PKD2L2: variants seen among roughly 807,000 people sequenced by gnomAD.
PKD2L2 encodes polycystin-2-like protein 2.
Under a neutral mutation model 83.9 loss-of-function variants are expected in PKD2L2, and 67 were observed. The observed-to-expected ratio is 0.80, with a 90% confidence interval of 0.66 to 0.98. The LOEUF is 0.98. Ranked by LOEUF, PKD2L2 falls within the 50% of genes least tolerant of loss-of-function variation. The pLI, the probability that PKD2L2 is intolerant of heterozygous loss-of-function variation, is 0.00. For missense variants in PKD2L2, 632 were observed against 717.2 expected, an observed-to-expected ratio of 0.88 and a Z score of 1.36; for synonymous variants, 223 against 237.8, an observed-to-expected ratio of 0.94 and a Z score of 0.57.
At chr5:137,916,968 T>C (rs1274878825) in intron 8 of PKD2L2, among the ~76,000 whole-genome samples, 1 of 152,096 alleles carries the variant, frequency 6.6e-6, no homozygotes. Context: ...TTGAGTTCAT[T>C]CTATTGGAGT....
At chr5:137,917,948 T>C (rs1000693958) in intron 8 of PKD2L2, among the ~76,000 whole-genome samples, 4 of 152,178 alleles carry the variant, frequency 2.6e-5, no homozygotes, top group African/African-American at 7.2e-5. Context: ...TTTGGAGCCA[T>C]TGCACTTTGG....
At chr5:137,894,221 C>A in intron 3 of PKD2L2, 132 bp from the exon 4 acceptor site, 1 of 767,138 alleles carries the variant, frequency 1.3e-6, no homozygotes, top group Non-Finnish European at 2.1e-6. Flanking sequence ...ATTAGCATTA[C>A]CATTACCATT....
intron 8 of PKD2L2, among the ~76,000 whole-genome samples, chr5:137,913,464 G>A (rs1293411717): frequency 6.6e-6 from 1 of 151,112 alleles, no homozygotes; most frequent in East Asian, 1.9e-4. Flanking sequence ...GGATACAGCT[G>A]TGAGTCACTG....
At chr5:137,909,253 T>C (rs534044832) in intron 8 of PKD2L2, among the ~76,000 whole-genome samples, 1 of 152,172 alleles carries the variant, frequency 6.6e-6, no homozygotes, top group Non-Finnish European at 1.5e-5. Context: ...GGTTTTAAAC[T>C]TCTGGGTTCA....
chr5:137,911,057 C>T (rs1171482207), intron 8 of PKD2L2, among the ~76,000 whole-genome samples: 2 of 152,158 alleles, frequency 1.3e-5, no homozygotes, highest in Non-Finnish European at 2.9e-5. Flanking sequence ...CCATCACCAC[C>T]ATCTATCTCC....
At chr5:137,928,585 T>C (rs762394420) in intron 12 of PKD2L2, among the ~76,000 whole-genome samples, 1 of 152,106 alleles carries the variant, frequency 6.6e-6, no homozygotes. Context: ...GCATGCGCCA[T>C]CACACCCAGC....
At chr5:137,901,388 G>GCAGA (rs1756943734) in intron 5 of PKD2L2, among the ~76,000 whole-genome samples, 1 of 144,560 alleles carries the variant, frequency 6.9e-6, no homozygotes, top group East Asian at 2.1e-4. Flanking sequence ...GGCTTTTAAT[G>GCAGA]CAGACAATAG....
chr5:137,909,739 T>G (rs1757661436), intron 8 of PKD2L2, among the ~76,000 whole-genome samples: 1 of 151,932 alleles, frequency 6.6e-6, no homozygotes. Context: ...TTAGCCATGT[T>G]GCCCAGGCTG....
rs144593865 is a variant in PKD2L2 at position 137,932,866 on chromosome 5, G to A, written c.1672-2931G>A. ...AGAGTCATCGAGGTGCTAAAGTTTT[G>A]GATTTTGAACACTTCAGATTTCCGA... On this transcript the variant is annotated intron_variant, in intron 12 of 14. Transcript: ENST00000508883. Among the ~76,000 whole-genome samples, 135 of 152,144 alleles carry A rather than the reference G, an allele frequency of 8.9e-4. 1 individual carries two copies. Among genetic ancestry groups the A allele is most frequent in the African/African-American group, 3.1e-3 (128 of 41,510 alleles).
rs1419724013 is a variant in PKD2L2, at chr5:137,889,510, T to G, written c.19T>G (p.Trp7Gly). Residue 7 changes from tryptophan to glycine, a missense_variant, in exon 1 of 15, where the codon TGG (tryptophan) becomes GGG (glycine). Physicochemically the swap from Trp to Gly is radical, Grantham distance 184. Around this residue, in one of 3 missense-constraint regions of PKD2L2, gnomAD observed 229 missense variants for 281.5 expected, o/e 0.81. Transcript: ENST00000508883. MAEASR[W>G]HRGGASKHKL... ...GTCCGCCATGGCTGAGGCGTCACGG[T>G]GGCACCGAGGCGGTGAGGGGTCCTC... 4 of 1,557,164 alleles carry G rather than the reference T, an allele frequency of 2.6e-6. No homozygotes were observed. The Admixed American group carries it at 6.4e-5, about 25-fold the overall frequency.
intron 8 of PKD2L2, among the ~76,000 whole-genome samples, chr5:137,918,944 ATGTG>A (rs67036547): frequency 7.5e-4 from 110 of 146,304 alleles, no homozygotes; most frequent in East Asian, 1.4e-3. Context: ...GGCCTGCACA[ATGTG>A]TGTGTGTGTG....
intron 12 of PKD2L2, among the ~76,000 whole-genome samples, chr5:137,929,523 G>A (rs1580989158): frequency 5.0e-4 from 3 of 6,058 alleles, no homozygotes; most frequent in Non-Finnish European, 9.4e-4. Context: ...ATTTCTATAG[G>A]ACAAAATTGC....
intron 8 of PKD2L2, among the ~76,000 whole-genome samples, chr5:137,911,058 A>G (rs566385151): frequency 3.9e-5 from 6 of 152,204 alleles, no homozygotes; most frequent in African/African-American, 1.4e-4. Context: ...CATCACCACC[A>G]TCTATCTCCA....
Position 137,930,448 on chromosome 5 carries a change from G to A in PKD2L2, c.1671+4519G>A, listed in dbSNP as rs183331566. 6.2e-3 allele frequency among the ~76,000 whole-genome samples: 942 copies of A among 152,108 alleles called. 13 individuals are homozygous for A. Among genetic ancestry groups the A allele is most frequent in the African/African-American group, 0.022 (907 of 41,490 alleles). On this transcript the variant is annotated intron_variant, in intron 12 of 14. Transcript: ENST00000508883. The stretch of plus-strand genomic sequence containing the variant: ...AGCACTTTGGGAGGCTGAGGTGGGC[G>A]GATCATGAGGTCAGGAGTTCGAGAC...
chr5:137,936,307 C>A lies in PKD2L2; in HGVS notation c.1785-13C>A, dbSNP rs372546621. On this transcript the variant is annotated splice_polypyrimidine_tract_variant and intron_variant, in intron 13 of 14. Coordinates refer to ENST00000508883, the MANE Select transcript of PKD2L2 (RefSeq NM_001300921.2). Reference sequence around the variant, plus strand: ...TTACTGACTCATTCTCTACTTCCTTCGAAATTTTCTAGACTTTTTTTATAT... The same window carrying A: ...TTACTGACTCATTCTCTACTTCCTTAGAAATTTTCTAGACTTTTTTTATAT... 7 of 1,525,918 alleles carry A rather than the reference C, an allele frequency of 4.6e-6. No homozygotes were observed. In the South Asian group the frequency reaches 7.2e-5, roughly 16 times the overall value. The allele number at this position is 1,525,918 out of a possible 1,614,324, so 94.5% of individuals were successfully genotyped here.
intron 8 of PKD2L2, among the ~76,000 whole-genome samples, chr5:137,916,475 C>CT (rs1169529107): frequency 0.57 from 53,086 of 93,536 alleles, 16,288 homozygotes; most frequent in Non-Finnish European, 0.63. Flanking sequence ...CACTTTTCTT[C>CT]TTTTTTTTTT....
Position 137,890,494 on chromosome 5 carries a change from TA to T in PKD2L2, c.47del (p.Lys16SerfsTer8). ...RWHRGGASKH[K>X]LHYRKEVEIT... ...TATATCTCACAGGGGCTTCGAAACA[TA>T]AGTTGCATTACAGAAAGGAAGTAGA... On this transcript the variant is annotated frameshift_variant, in exon 2 of 15. Transcript: ENST00000508883. LOFTEE classifies it high-confidence loss of function. 1 of 1,577,882 alleles carries T rather than the reference TA, an allele frequency of 6.3e-7. No homozygotes were observed. Among genetic ancestry groups the T allele is most frequent in the Non-Finnish European group, 8.6e-7 (1 of 1,161,508 alleles).
chr5:137,935,267 G>A (rs1426356435), intron 12 of PKD2L2, among the ~76,000 whole-genome samples: 1 of 152,190 alleles, frequency 6.6e-6, no homozygotes, highest in Non-Finnish European at 1.5e-5. Context: ...GGAAGGTTCA[G>A]CAATACAAAT....
At chr5:137,918,963 TGTGTGA>T (rs1196622134) in intron 8 of PKD2L2, among the ~76,000 whole-genome samples, 5 of 148,642 alleles carry the variant, frequency 3.4e-5, no homozygotes, top group Admixed American at 6.8e-5. Context: ...TGTGTGTGTG[TGTGTGA>T]GTGTGTGTGT....
Sources: gnomAD v4.1 joint callset for allele counts (sites outside exome capture counted in the v4.1 genomes callset) on GRCh38, gnomAD v4.1.1 for gene constraint, gnomAD v4.1.1 regional missense constraint, MANE v1.5 for transcripts, NCBI Gene and HGNC (gene_info 2026-07-23, HGNC 2026-07-21) for gene names.